Variants in NAALADL2 observed in about 807,000 individuals in gnomAD.
The protein encoded by NAALADL2 is N-acetylated alpha-linked acidic dipeptidase like 2.
Under a neutral mutation model 87.2 loss-of-function variants are expected in NAALADL2, and 76 were observed. The ratio of observed to expected loss-of-function variants is 0.87; its 90% CI spans 0.72 to 1.05. The LOEUF is 1.05. NAALADL2 is among the 50% of genes least tolerant of loss of function. NAALADL2 has a pLI of 0.00. For synonymous variants in NAALADL2, 354 were observed against 331.0 expected (o/e 1.07, Z -0.75); for missense variants, 1,089 against 945.8 (o/e 1.15, Z -1.99).
intron 2 of NAALADL2, among the ~76,000 whole-genome samples, chr3:175,232,205 GAAC>G (rs1745055331): frequency 3.4e-5 from 5 of 146,376 alleles, no homozygotes; most frequent in Non-Finnish European, 6.1e-5. Context: ...AGAAGAAGAA[GAAC>G]AAGAAGAGAA....
chr3:175,577,187 G>A (rs990095563), intron 10 of NAALADL2, among the ~76,000 whole-genome samples: 1 of 152,116 alleles, frequency 6.6e-6, no homozygotes, highest in Non-Finnish European at 1.5e-5. Context: ...ACACTTACTC[G>A]ACAAATTATT....
rs553404540 is a variant in NAALADL2, at chr3:175,366,320, C to T, written c.1090+41995C>T. 1.7e-4 allele frequency among the ~76,000 whole-genome samples: 26 copies of T among 151,646 alleles called. No individual in the cohort carries two copies. In the East Asian group the frequency reaches 2.5e-3, roughly 15 times the overall value. On this transcript the variant is annotated intron_variant, in intron 5 of 13. Transcript: ENST00000454872. ...TGTGAATAGTGCCTCAATAAACATA[C>T]GTGTGCATGTGTCTTTATAACAGCA...
intron 1 of NAALADL2, among the ~76,000 whole-genome samples, chr3:174,534,830 T>A (rs1721583861): frequency 6.6e-6 from 1 of 152,040 alleles, no homozygotes; most frequent in African/African-American, 2.4e-5. Context: ...AGAAAAAAAG[T>A]GATTTGTTTG....
rs115682926 is a variant in NAALADL2, at chr3:174,589,884, A to G, written c.-115+39247A>G. Among the ~76,000 whole-genome samples the G allele has an allele frequency of 2.2e-3, 328 of 150,750 alleles. 1 individual carries two copies. The highest frequency in any genetic ancestry group is 7.3e-3 in the African/African-American group (302 of 41,156). ...TTTTTTTTTTTGAAAAAAGTCATATATATATTTGAAAATGCCATAAATAAA... is the reference window on the plus strand; with the variant it reads ...TTTTTTTTTTTGAAAAAAGTCATATGTATATTTGAAAATGCCATAAATAAA... On this transcript the variant is annotated intron_variant, in intron 2 of 3. Transcript: ENST00000434257.
At chr3:175,448,090 T>C (rs1720983710) in intron 6 of NAALADL2, among the ~76,000 whole-genome samples, 1 of 152,204 alleles carries the variant, frequency 6.6e-6, no homozygotes. Context: ...CTCAACTGTT[T>C]TTCTCTTGAC....
Position 175,432,925 on chromosome 3 carries a change from ACCTGTT to A in NAALADL2, c.1091-14302_1091-14297del, listed in dbSNP as rs1344055269. On this transcript the variant is annotated intron_variant, in intron 5 of 13. Coordinates refer to ENST00000454872, the MANE Select transcript of NAALADL2 (RefSeq NM_207015.3). ...GACTGTATCACTGCTCTTTACAGGT[ACCTGTT>A]CTCTTTCATCTGGTGTTCCCAGTCT... 2.0e-4 allele frequency among the ~76,000 whole-genome samples: 31 copies of A among 152,140 alleles called. No homozygotes were observed. In the South Asian group the frequency reaches 3.1e-3, roughly 15 times the overall value.
Position 175,706,475 on chromosome 3 carries a change from CTCTG to C in NAALADL2, c.1897-30827_1897-30824del, listed in dbSNP as rs1478294022. ...TAATAAAAAGGTATGTGAACATAAT[CTCTG>C]TCTTTCTCTCAAAATATCATATTGT... On this transcript the variant is annotated intron_variant, in intron 11 of 13. Transcript: ENST00000454872. Among the ~76,000 whole-genome samples the C allele has an allele frequency of 3.9e-5, 6 of 152,168 alleles. No individual in the cohort carries two copies. The South Asian group carries it at 6.2e-4, about 16-fold the overall frequency.
At chr3:174,787,549 T>C (rs546711349) in intron 3 of NAALADL2, among the ~76,000 whole-genome samples, 1 of 94,450 alleles carries the variant, frequency 1.1e-5, no homozygotes, top group African/African-American at 3.8e-5. Context: ...TTTTAAAGTA[T>C]TTTAATAGAA....
chr3:175,309,314 T>C (rs1758064006), intron 4 of NAALADL2, among the ~76,000 whole-genome samples: 1 of 151,994 alleles, frequency 6.6e-6, no homozygotes, highest in African/African-American at 2.4e-5. Flanking sequence ...GCCTCCTGAG[T>C]AACTGGGATT....
intron 11 of NAALADL2, among the ~76,000 whole-genome samples, chr3:175,666,022 G>A (rs1732941099): frequency 6.6e-6 from 1 of 152,036 alleles, no homozygotes; most frequent in Non-Finnish European, 1.5e-5. Flanking sequence ...TGACATCCCT[G>A]TTTTAGAACA....
chr3:174,699,712 ATAT>A (rs142467376), intron 2 of NAALADL2, among the ~76,000 whole-genome samples: 5,853 of 151,990 alleles, frequency 0.039, 245 homozygotes, highest in African/African-American at 0.11. Context: ...CTGGTATAAA[ATAT>A]TATTTTGTTG....
intron 9 of NAALADL2, among the ~76,000 whole-genome samples, chr3:175,504,587 CT>C (rs1730024576): frequency 9.0e-6 from 1 of 110,952 alleles, no homozygotes; most frequent in African/African-American, 4.5e-5. Flanking sequence ...CTCTCTCTCT[CT>C]CTCTCTCTCT....
intron 2 of NAALADL2, among the ~76,000 whole-genome samples, chr3:174,669,523 G>T (rs1340411643): frequency 6.6e-6 from 1 of 151,970 alleles, no homozygotes; most frequent in African/African-American, 2.4e-5. Context: ...TGTGGTCTTG[G>T]TACTCTTGTC....
chr3:175,322,558 A>C, intron 4 of NAALADL2, among the ~76,000 whole-genome samples: 1 of 99,422 alleles, frequency 1.0e-5, no homozygotes, highest in Middle Eastern at 4.3e-3. Flanking sequence ...GGCAACCTAC[A>C]AAATGGGAGA....
intron 1 of NAALADL2, among the ~76,000 whole-genome samples, chr3:174,911,793 A>T (rs1733740259): frequency 6.6e-6 from 1 of 152,132 alleles, no homozygotes; most frequent in South Asian, 2.1e-4. Flanking sequence ...GTCACATGCC[A>T]ACATCTGACA....
intron 11 of NAALADL2, among the ~76,000 whole-genome samples, chr3:175,639,140 C>T (rs767863961): frequency 3.9e-5 from 6 of 151,978 alleles, no homozygotes; most frequent in Non-Finnish European, 7.4e-5. Flanking sequence ...CATAAAGCAT[C>T]ATGTTTGCCC....
intron 9 of NAALADL2, among the ~76,000 whole-genome samples, chr3:175,494,145 T>C (rs1430669842): frequency 1.3e-5 from 2 of 152,152 alleles, no homozygotes; most frequent in Non-Finnish European, 2.9e-5. Context: ...TTTATTTATA[T>C]GTATATTTTG....
intron 9 of NAALADL2, among the ~76,000 whole-genome samples, chr3:175,492,281 G>T (rs960826352): frequency 6.6e-6 from 1 of 152,068 alleles, no homozygotes; most frequent in African/African-American, 2.4e-5. Context: ...TCATTCTTTA[G>T]TGTATGGAGT....
At chr3:175,182,219 C>T (rs1004344159) in intron 2 of NAALADL2, among the ~76,000 whole-genome samples, 13 of 151,916 alleles carry the variant, frequency 8.6e-5, no homozygotes, top group African/African-American at 3.1e-4. Context: ...CTATTCAAGT[C>T]CCTTGCTCAT....
Sources: allele counts gnomAD v4.1 joint callset (sites outside exome capture counted in the v4.1 genomes callset), GRCh38; gene constraint gnomAD v4.1.1; transcripts MANE v1.5; gene names NCBI Gene and HGNC (gene_info 2026-07-23, HGNC 2026-07-21).